The following RGS7 variants were observed in gnomAD, a reference collection of about 807,000 sequenced individuals.
RGS7 encodes the protein regulator of G-protein signaling 7.
In RGS7, 27 loss-of-function variants were observed where a neutral mutation model predicts 81.1. The observed-to-expected ratio is 0.33, with a 90% confidence interval of 0.25 to 0.46. The LOEUF (loss-of-function observed/expected upper bound fraction) is 0.46. Among genes scored for constraint, RGS7 ranks in the 20% least tolerant of loss-of-function variants. The pLI, the probability that RGS7 is intolerant of heterozygous loss-of-function variation, is 1.00. For missense variants in RGS7, 396 were observed against 607.4 expected (o/e 0.65, Z 3.66); for synonymous variants, 208 against 207.7 (o/e 1.00, Z -0.01).
At chr1:241,148,820 A>G (rs886111785) in intron 2 of RGS7, among the ~76,000 whole-genome samples, 1 of 152,260 alleles carries the variant, frequency 6.6e-6, no homozygotes, top group Non-Finnish European at 1.5e-5. Context: ...CCACACATAA[A>G]ACAAATAACA....
chr1:241,351,880 C>T (rs2083271638), intron 2 of RGS7, among the ~76,000 whole-genome samples: 1 of 152,152 alleles, frequency 6.6e-6, no homozygotes, highest in Non-Finnish European at 1.5e-5. Flanking sequence ...ATGATAGCTG[C>T]AATAATATCA....
At chr1:241,250,841 C>T (rs2076793980) in intron 2 of RGS7, among the ~76,000 whole-genome samples, 1 of 152,144 alleles carries the variant, frequency 6.6e-6, no homozygotes, top group South Asian at 2.1e-4. Flanking sequence ...AAGGCTAAGC[C>T]CTGTGGCTCT....
intron 6 of RGS7, among the ~76,000 whole-genome samples, chr1:240,909,038 G>T (rs544556909): frequency 6.6e-6 from 1 of 152,176 alleles, no homozygotes; most frequent in South Asian, 2.1e-4. Context: ...CACATCATAC[G>T]CAGCAGAATC....
At chr1:241,316,527 A>G (rs2080888423) in intron 2 of RGS7, among the ~76,000 whole-genome samples, 1 of 152,234 alleles carries the variant, frequency 6.6e-6, no homozygotes, top group African/African-American at 2.4e-5. Flanking sequence ...AGCTGTATTC[A>G]GGAGACTGAT....
intron 9 of RGS7, among the ~76,000 whole-genome samples, chr1:240,856,510 A>G (rs1284971000): frequency 1.3e-5 from 2 of 152,158 alleles, no homozygotes; most frequent in Non-Finnish European, 2.9e-5. Context: ...AAAGAAATGT[A>G]CCACTTTACT....
chr1:240,926,060 C>G (rs976291764), intron 6 of RGS7, among the ~76,000 whole-genome samples: 5 of 152,116 alleles, frequency 3.3e-5, no homozygotes, highest in African/African-American at 1.2e-4. Flanking sequence ...ATATTTTCTG[C>G]CATCCTCTAG....
chr1:241,156,129 T>A (rs1572917741), intron 2 of RGS7, among the ~76,000 whole-genome samples: 1 of 117,744 alleles, frequency 8.5e-6, no homozygotes, highest in Admixed American at 1.0e-4. Context: ...GAAAGATAAA[T>A]GATGATAGAT....
intron 6 of RGS7, among the ~76,000 whole-genome samples, chr1:240,926,308 A>C (rs1674428003): frequency 6.6e-6 from 1 of 152,236 alleles, no homozygotes; most frequent in South Asian, 2.1e-4. Context: ...ATCTTGAGTT[A>C]GTTTTTGTAT....
At chr1:240,863,581 A>C (rs1264046582) in intron 9 of RGS7, among the ~76,000 whole-genome samples, 1 of 152,232 alleles carries the variant, frequency 6.6e-6, no homozygotes, top group Non-Finnish European at 1.5e-5. Flanking sequence ...GATAGGACTT[A>C]TCAGGCAGCC....
At chr1:241,238,707 T>C (rs1261552719) in intron 2 of RGS7, among the ~76,000 whole-genome samples, 3 of 152,006 alleles carry the variant, frequency 2.0e-5, no homozygotes, top group African/African-American at 7.2e-5. Context: ...GCTACTAAGC[T>C]ACTAACCCTC....
chr1:240,845,969 G>GA (rs1196349118), intron 9 of RGS7, among the ~76,000 whole-genome samples: 10 of 152,150 alleles, frequency 6.6e-5, no homozygotes, highest in Non-Finnish European at 1.3e-4. Flanking sequence ...CCGTGGAAAA[G>GA]AAAAATCTGT....
chr1:240,960,243 T>G (rs1681186958), intron 4 of RGS7, among the ~76,000 whole-genome samples: 1 of 140,684 alleles, frequency 7.1e-6, no homozygotes, highest in African/African-American at 2.6e-5. Flanking sequence ...TTGTTGTTGT[T>G]GTTGTTGGGG....
intron 2 of RGS7, among the ~76,000 whole-genome samples, chr1:241,345,694 C>T (rs1254803379): frequency 6.6e-6 from 1 of 152,064 alleles, no homozygotes; most frequent in Non-Finnish European, 1.5e-5. Context: ...TCACAAATTC[C>T]AATTTCCAAA....
At chr1:241,121,909 G>C (rs1285671861) in intron 2 of RGS7, among the ~76,000 whole-genome samples, 6 of 151,834 alleles carry the variant, frequency 4.0e-5, no homozygotes, top group Non-Finnish European at 2.9e-5. Flanking sequence ...GGTCTTTGCT[G>C]TGCAGGCTGG....
At chr1:241,040,583 C>T (rs1467268680) in intron 3 of RGS7, among the ~76,000 whole-genome samples, 2 of 152,026 alleles carry the variant, frequency 1.3e-5, no homozygotes, top group Non-Finnish European at 2.9e-5. Flanking sequence ...CTCACTGCAA[C>T]CTCTGCCTCC....
chr1:240,914,442 A>G (rs1672264425), intron 6 of RGS7, among the ~76,000 whole-genome samples: 1 of 152,140 alleles, frequency 6.6e-6, no homozygotes, highest in Non-Finnish European at 1.5e-5. Context: ...TTACCCCAAA[A>G]GAGACATTTT....
chr1:241,233,446 G>A (rs934714394), intron 2 of RGS7, among the ~76,000 whole-genome samples: 1 of 152,070 alleles, frequency 6.6e-6, no homozygotes, highest in African/African-American at 2.4e-5. Context: ...AGATCCACTC[G>A]CTAGCTCTCA....
intron 2 of RGS7, among the ~76,000 whole-genome samples, chr1:241,130,372 C>G (rs545593936): frequency 4.0e-5 from 6 of 150,856 alleles, no homozygotes; most frequent in Non-Finnish European, 8.9e-5. Flanking sequence ...GGCTCTGAAC[C>G]AATGCTTTTA....
chr1:241,325,136 A>G (rs558272152), intron 2 of RGS7, among the ~76,000 whole-genome samples: 1 of 152,368 alleles, frequency 6.6e-6, no homozygotes, highest in East Asian at 1.9e-4. Flanking sequence ...TAAGGAGATA[A>G]AATAGAATCC....
Sources: gnomAD v4.1 joint callset for allele counts (sites outside exome capture counted in the v4.1 genomes callset) on GRCh38, gnomAD v4.1.1 for gene constraint, MANE v1.5 for transcripts, NCBI Gene and HGNC (gene_info 2026-07-23, HGNC 2026-07-21) for gene names.